The following RPL3L variants were observed in gnomAD, a reference collection of about 807,000 sequenced individuals.
The protein encoded by RPL3L is ribosomal protein L3 like.
A neutral mutation model predicts 44.5 loss-of-function variants in RPL3L; 44 were observed. The observed-to-expected ratio is 0.99, with a 90% CI of 0.78 to 1.27. RPL3L has a LOEUF of 1.27. RPL3L is among the 50% of genes most tolerant of loss of function. RPL3L has a pLI of 0.00. For synonymous variants in RPL3L, 292 were observed against 230.7 expected (o/e 1.27, Z -2.41); for missense variants, 631 against 569.1 (o/e 1.11, Z -1.11).
chr16:1,953,170 G>T, intron 2 of RPL3L, 128 bp from the exon 3 acceptor site: 1 of 941,530 alleles, frequency 1.1e-6, no homozygotes, highest in Non-Finnish European at 1.5e-6. Context: ...ATTCCCCAGA[G>T]GGTGGGGCTG....
rs141671269 is a variant in RPL3L, at chr16:1,946,655, G to A, written c.921C>T (p.Tyr307=). 1.0e-4 allele frequency: 166 copies of A among 1,612,656 alleles called. No individual in the cohort carries two copies. The African/African-American group carries it at 1.8e-3, about 17-fold the overall frequency. The change falls in exon 7 of 10, where the codon TAC becomes TAT. Residue 307 remains tyrosine, a synonymous_variant. Coordinates refer to ENST00000268661, the MANE Select transcript of RPL3L (RefSeq NM_005061.3). ...GTGTGATGGACTTGGCAGTCACGTC[G>A]TAGCTGGTGGATGCATTGTTCTTCA... ...KLVKNNASTS[Y]DVTAKSITPL...
chr16:1,951,034 G>C, intron 3 of RPL3L, 55 bp from the exon 4 acceptor site: 1 of 1,589,762 alleles, frequency 6.3e-7, no homozygotes, highest in Admixed American at 1.7e-5. Context: ...AGCTCCCCAG[G>C]CCTATCCTGC....
Position 1,944,666 on chromosome 16 carries a change from T to C in RPL3L, c.*171A>G, listed in dbSNP as rs138079044. On this transcript the variant is annotated 3_prime_UTR_variant, in exon 10 of 10. Coordinates refer to ENST00000268661, the MANE Select transcript of RPL3L (RefSeq NM_005061.3). Reference sequence around the variant, plus strand: ...CTCTGTGTGAATTACTCTTTCTCTATTGCAATTCCCCTGTCTTAATGAATC... The same window carrying C: ...CTCTGTGTGAATTACTCTTTCTCTACTGCAATTCCCCTGTCTTAATGAATC... 179 of 724,626 alleles carry C rather than the reference T, an allele frequency of 2.5e-4. 1 individual carries two copies. In the African/African-American group the frequency reaches 2.8e-3, roughly 11 times the overall value. The allele number at this position is 724,626 out of a possible 1,614,324, so 44.9% of individuals were successfully genotyped here. A position where few individuals can be genotyped will look rare whatever the true frequency, so the allele number is the denominator to read the frequency against.
intron 7 of RPL3L, 92 bp from the exon 8 acceptor site, chr16:1,946,022 G>C (rs1597024756): frequency 9.1e-7 from 1 of 1,097,510 alleles, no homozygotes. Flanking sequence ...AGAGGGGGCA[G>C]TGATAGGCAG....
Position 1,944,776 on chromosome 16 carries a change from C to A in RPL3L, c.*61G>T. On this transcript the variant is annotated 3_prime_UTR_variant, in exon 10 of 10. Transcript: ENST00000268661. ...CCTCGCAGGAAGAGTCGCCTCCGGC[C>A]TTTGTTAGACATTGGGGCAGACAGT... is the stretch of plus-strand genomic sequence containing the variant. The A allele has an allele frequency of 6.2e-7, 1 of 1,610,024 alleles. No individual in the cohort carries two copies. Among genetic ancestry groups the A allele is most frequent in the Non-Finnish European group, 8.5e-7 (1 of 1,176,558 alleles).
In RPL3L at chr16:1,951,093, G is replaced by A. The variant is rs761713759; in HGVS notation, c.366-114C>T. ...AAGCAGGGGTCCTACCTCTGGGACC[G>A]CCCCCCACCCGGAGGCCTCTGAGCT... On this transcript the variant is annotated intron_variant, in intron 3 of 9. Transcript: ENST00000268661. The A allele has an allele frequency of 1.3e-4, 187 of 1,393,800 alleles. 2 individuals are homozygous for A. Among genetic ancestry groups the A allele is most frequent in the Middle Eastern group, 7.6e-4 (3 of 3,922 alleles). 86.3% of individuals were successfully genotyped at this position (1,393,800 alleles called of 1,614,324 possible). A position where few individuals can be genotyped will look rare whatever the true frequency, so the allele number is the denominator to read the frequency against.
Position 1,945,846 on chromosome 16 carries a change from T to C in RPL3L, c.1036A>G (p.Thr346Ala), listed in dbSNP as rs1464150172. The change falls in exon 8 of 10, where the codon ACG (threonine) becomes GCG (alanine). Residue 346 changes from threonine (T) to alanine (A), a missense_variant. By Grantham distance (58) the Thr-to-Ala change is moderately conservative. Coordinates refer to ENST00000268661, the MANE Select transcript of RPL3L (RefSeq NM_005061.3). ...CIAGTKKRVI[T>A]LRKSLLVHHS... ...CCAGCACTGCCAACCTTTCTCAGCG[T>C]AATGACCCGCTTCTTGGTACCAGCA... The C allele has an allele frequency of 6.2e-7, 1 of 1,613,872 alleles. No homozygotes were observed. The highest frequency in any genetic ancestry group is 1.3e-5 in the African/African-American group (1 of 74,916).
rs548024497 is a variant in RPL3L at position 1,952,236 on chromosome 16, T to A, written c.365+638A>T. The stretch of plus-strand genomic sequence containing the variant: ...CACCCGCCTTGGCCTCCCAAAGTGC[T>A]GGGACTACTACAGTCGTGAGCCACC... On this transcript the variant is annotated intron_variant, in intron 3 of 9. Coordinates refer to ENST00000268661, the MANE Select transcript of RPL3L (RefSeq NM_005061.3). 3.3e-5 allele frequency among the ~76,000 whole-genome samples: 5 copies of A among 152,040 alleles called. No individual in the cohort carries two copies. The East Asian group carries it at 9.7e-4, about 29-fold the overall frequency.
rs201187997 is a variant in RPL3L, at chr16:1,953,061, T to C, written c.197-19A>G. On this transcript the variant is annotated intron_variant, in intron 2 of 9. Coordinates refer to ENST00000268661, the MANE Select transcript of RPL3L (RefSeq NM_005061.3). Reference sequence around the variant, plus strand: ...GAAATTTCTGGATGAGACACAGGGATGGGGCATGAAGGGGGACCTCCTGAG... The same window carrying C: ...GAAATTTCTGGATGAGACACAGGGACGGGGCATGAAGGGGGACCTCCTGAG... 1.9e-6 allele frequency: 3 copies of C among 1,575,894 alleles called. No individual in the cohort carries two copies. Among genetic ancestry groups the C allele is most frequent in the Non-Finnish European group, 2.6e-6 (3 of 1,161,118 alleles).
At chr16:1,945,761 C>T (rs1020534948) in intron 8 of RPL3L, 74 bp downstream of exon 8, 14 of 1,605,686 alleles carry the variant, frequency 8.7e-6, no homozygotes, top group African/African-American at 5.4e-5. Context: ...CCATCCCGCT[C>T]GTAGCAGGCC....
intron 3 of RPL3L, among the ~76,000 whole-genome samples, chr16:1,951,753 T>TATC (rs1555481504): frequency 1.4e-5 from 2 of 147,798 alleles, no homozygotes; most frequent in Admixed American, 1.4e-4. Context: ...TTATTATTAT[T>TATC]ATTATTATTA....
Position 1,947,111 on chromosome 16 carries a change from G to A in RPL3L, c.689-13C>T, listed in dbSNP as rs953715104. 10 of 1,613,328 alleles carry A rather than the reference G, an allele frequency of 6.2e-6. No homozygotes were observed. Among genetic ancestry groups the A allele is most frequent in the Admixed American group, 1.7e-5 (1 of 59,978 alleles). On this transcript the variant is annotated splice_polypyrimidine_tract_variant and intron_variant, in intron 5 of 9. Transcript: ENST00000268661. ...CGGCTTGTGACCCCTGTGAGTGAGA[G>A]GGGCTGGTGGCTGAGAGGCCAGGCT...
chr16:1,953,933 C>T, intron 2 of RPL3L, 23 bp downstream of exon 2: 2 of 1,479,462 alleles, frequency 1.4e-6, no homozygotes, highest in Non-Finnish European at 1.8e-6. Context: ...CCCCCTCCCC[C>T]AAGGGTCCCA....
chr16:1,948,707 TTTTGTTTG>T (rs1555481157), intron 4 of RPL3L, among the ~76,000 whole-genome samples: 7 of 142,610 alleles, frequency 4.9e-5, no homozygotes, highest in Middle Eastern at 3.7e-3. Context: ...GTTGTTTTTT[TTTTGTTTG>T]TTTGTTTGTT....
At position 1,954,142 on chromosome 16, in the gene RPL3L, G is replaced by A. The variant is rs199552545; in HGVS notation, c.10C>T (p.Arg4Trp). Reference protein sequence around the residue: MSHRKFSAPRHGHL... With the variant: MSHWKFSAPRHGHL... ...CCGTGCCGAGGGGCGGAAAACTTCCGGTGGGACTGGGGGGCAGGAAGGAAG... is the reference window on the plus strand; with the variant it reads ...CCGTGCCGAGGGGCGGAAAACTTCCAGTGGGACTGGGGGGCAGGAAGGAAG... The change falls in exon 2 of 10, where the codon CGG becomes TGG. Residue 4 changes from arginine (R) to tryptophan (W), a missense_variant. Arg to Trp is a moderately radical substitution (Grantham distance 101). Coordinates refer to ENST00000268661, the MANE Select transcript of RPL3L (RefSeq NM_005061.3). 441 of 1,580,268 alleles carry A rather than the reference G, an allele frequency of 2.8e-4. No individual in the cohort carries two copies. The highest frequency in any genetic ancestry group is 3.6e-4 in the Non-Finnish European group (424 of 1,162,736).
In RPL3L at chr16:1,947,374, G is replaced by A. The variant is rs1230823492; in HGVS notation, c.508C>T (p.Leu170=). 6.3e-7 allele frequency: 1 copy of A among 1,582,532 alleles called. No individual in the cohort carries two copies. Among genetic ancestry groups the A allele is most frequent in the South Asian group, 1.1e-5 (1 of 88,432 alleles). ...IRVIVHTQMK[L]LPFRQKKAHI... is the part of the protein sequence containing the mutation. ...GCCTTCTTCTGCCGGAAGGGCAGCA[G>A]TTTCATCTGCAGGACATGGCCGGAG... Residue 170 remains leucine, a synonymous_variant, in exon 5 of 10, where the codon CTG becomes TTG. Transcript: ENST00000268661.
chr16:1,952,038 T>G (rs1830932519), intron 3 of RPL3L, among the ~76,000 whole-genome samples: 1 of 151,806 alleles, frequency 6.6e-6, no homozygotes, highest in African/African-American at 2.4e-5. Flanking sequence ...AATCTCCACC[T>G]CCCAGGCTCA....
intron 4 of RPL3L, among the ~76,000 whole-genome samples, chr16:1,948,254 C>T (rs1412888218): frequency 2.0e-5 from 3 of 151,718 alleles, no homozygotes; most frequent in African/African-American, 4.8e-5. Context: ...AATGGAGTCT[C>T]GCTCTGTTGC....
chr16:1,952,893 G>GC lies in RPL3L; in HGVS notation c.345dup (p.Arg116AlafsTer100), dbSNP rs747037227. The GC allele has an allele frequency of 5.0e-6, 8 of 1,613,794 alleles. No homozygotes were observed. The Admixed American group carries it at 1.3e-4, about 27-fold the overall frequency. On this transcript the variant is annotated frameshift_variant, in exon 3 of 10. Coordinates refer to ENST00000268661, the MANE Select transcript of RPL3L (RefSeq NM_005061.3). LOFTEE classifies it high-confidence loss of function. ...GCTCACCAGTCCTTGTAGAATCGGC[G>GC]CCGGCACTCATCACTGAGGTGTTCT...
Sources: gnomAD v4.1 joint callset for allele counts (sites outside exome capture counted in the v4.1 genomes callset) on GRCh38, gnomAD v4.1.1 for gene constraint, MANE v1.5 for transcripts, NCBI Gene and HGNC (gene_info 2026-07-23, HGNC 2026-07-21) for gene names.